NYAP2: variants seen among roughly 807,000 people sequenced by gnomAD.
NYAP2 encodes the protein neuronal tyrosine-phosphorylated phosphoinositide-3-kinase adaptor 2, also known as neuronal tyrosine-phosphorylated phosphoinositide-3-kinase adapter 2.
NYAP2 carries 23 observed loss-of-function variants against 50.4 expected under a neutral mutation model. The observed-to-expected ratio is 0.46, with a 90% CI of 0.33 to 0.65. NYAP2 has a LOEUF of 0.65. Ranked by LOEUF, NYAP2 falls within the 30% of genes least tolerant of loss-of-function variation. NYAP2 has a pLI of 0.02. For missense variants in NYAP2, 885 were observed against 861.0 expected (o/e 1.03, Z -0.35); for synonymous variants, 394 against 365.2 (o/e 1.08, Z -0.90).
chr2:225,622,569 TTCTTTC>T, intron 5 of NYAP2, among the ~76,000 whole-genome samples: 1 of 115,386 alleles, frequency 8.7e-6, no homozygotes, highest in Non-Finnish European at 2.0e-5. Context: ...TTTTCTTTCT[TTCTTTC>T]TTTCTTCTTT....
chr2:225,473,191 C>T (rs1436857400), intron 3 of NYAP2, among the ~76,000 whole-genome samples: 4 of 152,174 alleles, frequency 2.6e-5, no homozygotes, highest in African/African-American at 9.7e-5. Flanking sequence ...GCCACATTTT[C>T]TTTATCCAGT....
intron 5 of NYAP2, among the ~76,000 whole-genome samples, chr2:225,583,566 T>TA (rs1481328945): frequency 2.0e-5 from 3 of 148,758 alleles, no homozygotes; most frequent in East Asian, 2.0e-4. Context: ...GAAGAGTGTT[T>TA]AAAAAAAAGT....
At chr2:225,669,782 C>T in the NYAP2 span, among the ~76,000 whole-genome samples, 1 of 152,126 alleles carries the variant, frequency 6.6e-6, no homozygotes, top group Non-Finnish European at 1.5e-5. Flanking sequence ...TTGTGTTAGA[C>T]TTTAAAAAGA....
intron 3 of NYAP2, among the ~76,000 whole-genome samples, chr2:225,432,757 C>T (rs894803976): frequency 3.3e-5 from 5 of 152,194 alleles, no homozygotes; most frequent in African/African-American, 1.2e-4. Flanking sequence ...CGGTCCAGGA[C>T]TGATATGGCA....
At chr2:225,665,724 G>A in the NYAP2 span, among the ~76,000 whole-genome samples, 17 of 142,474 alleles carry the variant, frequency 1.2e-4, no homozygotes, top group Middle Eastern at 4.1e-3. Context: ...TAGGAGAATT[G>A]CTTGAACCTG....
intron 3 of NYAP2, among the ~76,000 whole-genome samples, chr2:225,413,843 T>C (rs1269013267): frequency 1.3e-5 from 2 of 152,222 alleles, no homozygotes; most frequent in African/African-American, 2.4e-5. Flanking sequence ...GTGTATAGAA[T>C]ATACATGCTG....
intron 5 of NYAP2, among the ~76,000 whole-genome samples, chr2:225,601,418 C>T (rs192308059): frequency 4.6e-5 from 7 of 152,236 alleles, no homozygotes; most frequent in African/African-American, 9.6e-5. Context: ...GGATTACGGG[C>T]GTGGACCACC....
At chr2:225,678,210 T>G in the NYAP2 span, among the ~76,000 whole-genome samples, 1 of 152,152 alleles carries the variant, frequency 6.6e-6, no homozygotes, top group Admixed American at 6.6e-5. Context: ...ACAGAGGTGC[T>G]CAGAATAGTC....
In NYAP2 at chr2:225,431,512, T is replaced by G. The variant is rs138746099; in HGVS notation, c.221+22411T>G. On this transcript the variant is annotated intron_variant, in intron 3 of 6. Transcript: ENST00000636099. ...TGTGATTTGTGGTAAAGCTTTGAACTTCAAGGGAGTCTATTTTAAATTTCC... is the reference window on the plus strand; with the variant it reads ...TGTGATTTGTGGTAAAGCTTTGAACGTCAAGGGAGTCTATTTTAAATTTCC... Among the ~76,000 whole-genome samples the G allele has an allele frequency of 2.7e-3, 406 of 152,348 alleles. 2 individuals carry two copies. Among genetic ancestry groups the G allele is most frequent in the Non-Finnish European group, 2.3e-3 (155 of 68,026 alleles).
chr2:225,485,788 T>C (rs1422911255), intron 3 of NYAP2, among the ~76,000 whole-genome samples: 1 of 152,134 alleles, frequency 6.6e-6, no homozygotes, highest in Non-Finnish European at 1.5e-5. Context: ...AAGCATGCCA[T>C]TACCTCAAAA....
intron 5 of NYAP2, among the ~76,000 whole-genome samples, chr2:225,591,097 G>A (rs1692493557): frequency 6.6e-6 from 1 of 152,216 alleles, no homozygotes; most frequent in African/African-American, 2.4e-5. Flanking sequence ...TTTGGAGGGG[G>A]AGGACTAGCC....
At chr2:225,434,211 T>TC (rs1328846043) in intron 3 of NYAP2, among the ~76,000 whole-genome samples, 1 of 152,152 alleles carries the variant, frequency 6.6e-6, no homozygotes, top group African/African-American at 2.4e-5. Flanking sequence ...TTGGGAGCTG[T>TC]CCAGCGGCGT....
At chr2:225,441,332 G>A (rs977184150) in intron 3 of NYAP2, among the ~76,000 whole-genome samples, 1 of 152,106 alleles carries the variant, frequency 6.6e-6, no homozygotes, top group Admixed American at 6.5e-5. Context: ...ATTAACAAGG[G>A]CAAAACAATG....
At chr2:225,652,564 G>A (rs925636065) in exon 7 of NYAP2, 1 of 152,154 alleles carries the variant, frequency 6.6e-6, no homozygotes, top group African/African-American at 2.4e-5. Context: ...GACTTAATTT[G>A]TGAGGCTTAA....
chr2:225,482,678 C>T (rs576391816), intron 3 of NYAP2, among the ~76,000 whole-genome samples: 1 of 152,098 alleles, frequency 6.6e-6, no homozygotes, highest in African/African-American at 2.4e-5. Context: ...GCTCCACCAC[C>T]ACAGAGCCTA....
chr2:225,699,144 C>A, the NYAP2 span: 1 of 151,864 alleles, frequency 6.6e-6, no homozygotes, highest in Non-Finnish European at 1.5e-5. Context: ...GTTACATTGA[C>A]AACAATATTT....
At chr2:225,562,544 C>T (rs1248794878) in intron 4 of NYAP2, among the ~76,000 whole-genome samples, 1 of 152,078 alleles carries the variant, frequency 6.6e-6, no homozygotes, top group Non-Finnish European at 1.5e-5. Context: ...CAAGGTAACA[C>T]CAAAATTCCT....
At chr2:225,499,507 G>C (rs746086543) in intron 3 of NYAP2, among the ~76,000 whole-genome samples, 1 of 151,678 alleles carries the variant, frequency 6.6e-6, no homozygotes, top group African/African-American at 2.4e-5. Flanking sequence ...TAGTAGAGAC[G>C]GGGTTTCATA....
intron 3 of NYAP2, among the ~76,000 whole-genome samples, chr2:225,456,956 C>T (rs1559184942): frequency 6.6e-6 from 1 of 152,180 alleles, no homozygotes. Context: ...CTGTGTTTTA[C>T]TGTGCTCTTT....
Sources: allele counts gnomAD v4.1 joint callset (sites outside exome capture counted in the v4.1 genomes callset), GRCh38; gene constraint gnomAD v4.1.1; transcripts MANE v1.5; gene names NCBI Gene and HGNC (gene_info 2026-07-23, HGNC 2026-07-21).